PDZRN4: variants seen among roughly 807,000 people sequenced by gnomAD.
The protein encoded by PDZRN4 is PDZ domain-containing RING finger protein 4.
Under a neutral mutation model 99.0 loss-of-function variants are expected in PDZRN4, and 70 were observed. That is an observed-to-expected ratio of 0.71 (90% CI 0.58 to 0.86). PDZRN4 has a LOEUF of 0.86. PDZRN4 is among the 40% of genes least tolerant of loss of function. PDZRN4 has a pLI of 0.00. For synonymous variants in PDZRN4, 551 were observed against 501.6 expected (o/e 1.10, Z -1.32); for missense variants, 1,474 against 1,331.2 (o/e 1.11, Z -1.67).
At chr12:41,552,824 G>T (rs1204809295) in intron 6 of PDZRN4, 70 bp downstream of exon 6, 13 of 1,194,552 alleles carry the variant, frequency 1.1e-5, no homozygotes, top group African/African-American at 3.0e-5. Context: ...GACTCACAAT[G>T]AGAAAACCCT....
At chr12:41,448,202 G>C (rs906658053) in intron 3 of PDZRN4, among the ~76,000 whole-genome samples, 3 of 152,034 alleles carry the variant, frequency 2.0e-5, no homozygotes, top group African/African-American at 7.2e-5. Flanking sequence ...AATCTGTTTT[G>C]TTTCCTCATT....
intron 3 of PDZRN4, among the ~76,000 whole-genome samples, chr12:41,370,588 A>G (rs1952034152): frequency 6.6e-6 from 1 of 151,884 alleles, no homozygotes; most frequent in Non-Finnish European, 1.5e-5. Context: ...ATATTTTTCT[A>G]CAATGAGGAA....
chr12:41,337,646 C>T (rs1951785375), intron 3 of PDZRN4, among the ~76,000 whole-genome samples: 1 of 152,244 alleles, frequency 6.6e-6, no homozygotes, highest in South Asian at 2.1e-4. Flanking sequence ...ATCACCTGAT[C>T]TCAGTTGTTA....
chr12:41,437,734 A>G (rs902528733), intron 3 of PDZRN4: 1 of 1,459,644 alleles, frequency 6.9e-7, no homozygotes, highest in African/African-American at 1.4e-5. Context: ...TGTATCCGTG[A>G]GTGCAAGATA....
intron 3 of PDZRN4, among the ~76,000 whole-genome samples, chr12:41,388,579 C>T (rs1592039446): frequency 6.6e-6 from 1 of 151,964 alleles, no homozygotes; most frequent in Non-Finnish European, 1.5e-5. Context: ...CTGTAAGGAA[C>T]CAAAAGTGGA....
Position 41,506,762 on chromosome 12 carries a change from G to A in PDZRN4, c.1100+50G>A, listed in dbSNP as rs148685298. 84 of 1,551,304 alleles carry A rather than the reference G, an allele frequency of 5.4e-5. No individual in the cohort carries two copies. The East Asian group carries it at 1.3e-3, about 25-fold the overall frequency. ...AGCCCTGTTTGTTTCCATTTGTCAC[G>A]TAAAGCAGATGTTGAAAAGAAGCAG... On this transcript the variant is annotated intron_variant, in intron 4 of 9. Transcript: ENST00000402685.
intron 3 of PDZRN4, among the ~76,000 whole-genome samples, chr12:41,496,209 C>G (rs981271375): frequency 1.3e-5 from 2 of 152,044 alleles, no homozygotes; most frequent in Non-Finnish European, 2.9e-5. Flanking sequence ...AGTGCTCACT[C>G]AGTGCGAACT....
chr12:41,369,699 T>C (rs542026589), intron 3 of PDZRN4, among the ~76,000 whole-genome samples: 1 of 152,186 alleles, frequency 6.6e-6, no homozygotes, highest in Non-Finnish European at 1.5e-5. Context: ...ATGTAAGTCA[T>C]AGAATATATT....
intron 3 of PDZRN4, among the ~76,000 whole-genome samples, chr12:41,354,189 C>G (rs564026679): frequency 3.7e-4 from 56 of 152,104 alleles, no homozygotes; most frequent in African/African-American, 1.3e-3. Context: ...ATAATCAAAG[C>G]CTTAATAGTA....
intron 3 of PDZRN4, among the ~76,000 whole-genome samples, chr12:41,499,681 TCAGGAA>T (rs1228934028): frequency 1.3e-5 from 2 of 152,028 alleles, no homozygotes; most frequent in African/African-American, 4.8e-5. Flanking sequence ...ATTCATTGGT[TCAGGAA>T]CAGTTTGGAT....
chr12:41,474,976 A>G (rs952863581), intron 3 of PDZRN4, among the ~76,000 whole-genome samples: 1 of 152,214 alleles, frequency 6.6e-6, no homozygotes, highest in African/African-American at 2.4e-5. Context: ...GGAAAATGCA[A>G]GTAGAACTAT....
intron 3 of PDZRN4, among the ~76,000 whole-genome samples, chr12:41,450,976 CTA>C (rs147939730): frequency 6.6e-6 from 1 of 151,230 alleles, no homozygotes. Flanking sequence ...GTATATATTA[CTA>C]TATATATATA....
At chr12:41,274,851 C>A (rs573791667) in intron 3 of PDZRN4, among the ~76,000 whole-genome samples, 1 of 152,092 alleles carries the variant, frequency 6.6e-6, no homozygotes, top group South Asian at 2.1e-4. Context: ...TCACTGGACT[C>A]GCCATTAGGG....
intron 3 of PDZRN4, among the ~76,000 whole-genome samples, chr12:41,220,499 A>G (rs1950947798): frequency 6.6e-6 from 1 of 152,164 alleles, no homozygotes; most frequent in African/African-American, 2.4e-5. Context: ...GTAATTTAGC[A>G]CAGAAGAGAA....
At chr12:41,446,658 A>G (rs557875608) in intron 3 of PDZRN4, among the ~76,000 whole-genome samples, 1 of 152,090 alleles carries the variant, frequency 6.6e-6, no homozygotes, top group East Asian at 1.9e-4. Flanking sequence ...AAGCATAAGG[A>G]AAAAAAGAAG....
intron 3 of PDZRN4, among the ~76,000 whole-genome samples, chr12:41,392,809 C>T (rs1952218551): frequency 6.6e-6 from 1 of 152,174 alleles, no homozygotes; most frequent in Non-Finnish European, 1.5e-5. Context: ...TTATTATTAG[C>T]TGTCTTTTGA....
At chr12:41,505,973 A>G (rs1468970577) in intron 3 of PDZRN4, among the ~76,000 whole-genome samples, 3 of 152,168 alleles carry the variant, frequency 2.0e-5, no homozygotes, top group Non-Finnish European at 4.4e-5. Flanking sequence ...TAAAATGCAC[A>G]TGGGCAATAA....
chr12:41,190,507 A>G (rs1591960927), intron 1 of PDZRN4, among the ~76,000 whole-genome samples: 1 of 152,338 alleles, frequency 6.6e-6, no homozygotes, highest in South Asian at 2.1e-4. Context: ...CAACAAGTCA[A>G]GCTATGATTC....
Position 41,271,006 on chromosome 12 carries a change from A to T in PDZRN4, c.843+76818A>T, listed in dbSNP as rs534602642. ...AAATTTTATTTTCTAAATCTGAAAT[A>T]TAGTCTTCGTAGCATCACATATATG... On this transcript the variant is annotated intron_variant, in intron 3 of 9. Coordinates refer to ENST00000402685, the MANE Select transcript of PDZRN4 (RefSeq NM_001164595.2). Among the ~76,000 whole-genome samples, 353 of 152,192 alleles carry T rather than the reference A, an allele frequency of 2.3e-3. 3 individuals carry two copies. In the South Asian group the frequency reaches 0.024, roughly 10 times the overall value.
Sources: gnomAD v4.1 joint callset for allele counts (sites outside exome capture counted in the v4.1 genomes callset) on GRCh38, gnomAD v4.1.1 for gene constraint, MANE v1.5 for transcripts, NCBI Gene and HGNC (gene_info 2026-07-23, HGNC 2026-07-21) for gene names.